The following CHD1L variants were observed in gnomAD, a reference collection of about 807,000 sequenced individuals.
CHD1L encodes chromodomain helicase DNA binding protein 1 like, also known as ATP-dependent chromatin remodeler CHD1L.
In CHD1L, 118 loss-of-function variants were observed where a neutral mutation model predicts 115.9. The ratio of observed to expected loss-of-function variants is 1.02; its 90% confidence interval spans 0.88 to 1.19. CHD1L has a LOEUF of 1.19. Ranked by LOEUF, CHD1L falls within the 50% of genes most tolerant of loss-of-function variation. The probability of loss-of-function intolerance (pLI) is 0.00; values close to 1 mark genes in which losing one functional copy is unlikely to be tolerated. For synonymous variants in CHD1L, 411 were observed against 387.1 expected (o/e 1.06, Z -0.72); for missense variants, 1,179 against 1,065.3 (o/e 1.11, Z -1.49).
At chr1:147,206,951 A>T in the CHD1L span, among the ~76,000 whole-genome samples, 67 of 151,986 alleles carry the variant, frequency 4.4e-4, no homozygotes, top group East Asian at 1.5e-3. Context: ...TATATATATA[A>T]AAAGAGAGAT....
At chr1:147,239,385 C>T (rs998385953), upstream of CHD1L, among the ~76,000 whole-genome samples, 1 of 152,196 alleles carries the variant, frequency 6.6e-6, no homozygotes, top group Admixed American at 6.5e-5. Flanking sequence ...ACAAATCCAA[C>T]ACATCCCACC....
chr1:147,222,935 G>A, the CHD1L span, among the ~76,000 whole-genome samples: 1 of 152,216 alleles, frequency 6.6e-6, no homozygotes, highest in East Asian at 1.9e-4. Context: ...GACACCACAT[G>A]TGTGAGTCCC....
the CHD1L span, among the ~76,000 whole-genome samples, chr1:147,217,710 C>G: frequency 2.0e-5 from 3 of 152,332 alleles, no homozygotes; most frequent in African/African-American, 4.8e-5. Context: ...ATCTAGCCTA[C>G]CTGTTTCAAC....
chr1:147,276,739 TACTGGATGGGAGACAGAC>T (rs1360869647), intron 14 of CHD1L, among the ~76,000 whole-genome samples: 6 of 151,846 alleles, frequency 4.0e-5, no homozygotes, highest in African/African-American at 1.2e-4. Flanking sequence ...AAGAAGGGAG[TACTGGATGGGAGACAGAC>T]ACTGGATTGG....
chr1:147,289,031 T>C (rs182502420), intron 19 of CHD1L, among the ~76,000 whole-genome samples: 1 of 152,296 alleles, frequency 6.6e-6, no homozygotes, highest in Admixed American at 6.5e-5. Context: ...TCTGCCCAGT[T>C]CTCTATGGTG....
In CHD1L at chr1:147,255,517, G is replaced by A. The variant is rs587644532; in HGVS notation, c.348-296G>A. 5.3e-5 allele frequency among the ~76,000 whole-genome samples: 8 copies of A among 152,242 alleles called. No homozygotes were observed. In the South Asian group the frequency reaches 6.2e-4, roughly 12 times the overall value. On this transcript the variant is annotated intron_variant, in intron 3 of 22. Transcript: ENST00000369258. ...GCTGGGATTACAGGTGTGAGCCACC[G>A]CGCCCGGCCTATTTTTCATAGTGAC...
chr1:147,267,990 G>A (rs951971295), intron 9 of CHD1L, among the ~76,000 whole-genome samples: 3 of 152,118 alleles, frequency 2.0e-5, no homozygotes, highest in African/African-American at 4.8e-5. Flanking sequence ...TCTCCCTGTT[G>A]CCCAACCAAT....
intron 1 of CHD1L, among the ~76,000 whole-genome samples, chr1:147,245,452 T>C (rs1285344283): frequency 6.6e-6 from 1 of 152,166 alleles, no homozygotes; most frequent in East Asian, 1.9e-4. Flanking sequence ...TTCCAGGTCG[T>C]GGAGGTAGAT....
At chr1:147,193,019 C>T in the CHD1L span, among the ~76,000 whole-genome samples, 90 of 152,228 alleles carry the variant, frequency 5.9e-4, 1 homozygote, top group African/African-American at 2.1e-3. Context: ...TGATGCTGGC[C>T]TCATAAAATG....
At chr1:147,279,680 G>C (rs587681787) in intron 14 of CHD1L, among the ~76,000 whole-genome samples, 56 of 152,318 alleles carry the variant, frequency 3.7e-4, no homozygotes, top group African/African-American at 9.9e-4. Context: ...TCAAGTGGCT[G>C]CTGGGAATGC....
chr1:147,212,498 T>A, the CHD1L span: 2 of 1,613,946 alleles, frequency 1.2e-6, no homozygotes, highest in Non-Finnish European at 1.7e-6. Flanking sequence ...TCTTATAGTC[T>A]CGACTGTGGA....
chr1:147,254,501 T>G (rs1478774804), intron 2 of CHD1L, among the ~76,000 whole-genome samples: 1 of 152,222 alleles, frequency 6.6e-6, no homozygotes, highest in African/African-American at 2.4e-5. Context: ...CAGTCATATC[T>G]TGGCACTTCT....
the CHD1L span, chr1:147,201,044 G>T: frequency 1.3e-6 from 1 of 771,864 alleles, no homozygotes; most frequent in Non-Finnish European, 2.2e-6. Context: ...TTTGTGCTAG[G>T]CACTGTTGTA....
At chr1:147,227,665 ACAGC>A in the CHD1L span, among the ~76,000 whole-genome samples, 1 of 152,370 alleles carries the variant, frequency 6.6e-6, no homozygotes, top group Non-Finnish European at 1.5e-5. Context: ...CTATTACTAG[ACAGC>A]AATATTATGA....
At chr1:147,218,110 A>T in the CHD1L span, among the ~76,000 whole-genome samples, 4 of 152,230 alleles carry the variant, frequency 2.6e-5, no homozygotes, top group African/African-American at 9.7e-5. Flanking sequence ...CCCAAGAAAA[A>T]TTTCAAAATA....
intron 8 of CHD1L, among the ~76,000 whole-genome samples, chr1:147,266,316 TTAGTGCCTGTAATTAAGCAAA>T (rs1396768822): frequency 6.6e-6 from 1 of 152,170 alleles, no homozygotes; most frequent in Non-Finnish European, 1.5e-5. Context: ...TCAGTTTTTC[TTAGTGCCTGTAATTAAGCAAA>T]CACTTCCAGG....
chr1:147,259,893 C>T lies in CHD1L; in HGVS notation c.551C>T (p.Ser184Phe), dbSNP rs1671344902. The T allele has an allele frequency of 6.2e-7, 1 of 1,613,660 alleles. No homozygotes were observed. The highest frequency in any genetic ancestry group is 1.3e-5 in the African/African-American group (1 of 74,906). Residue 184 changes from serine to phenylalanine, a missense_variant, in exon 6 of 23, where the codon TCC becomes TTC. Coordinates refer to ENST00000369258, the MANE Select transcript of CHD1L (RefSeq NM_004284.6). ...GCTCACAGGTTGAAAAACCAAAGCT[C>T]CCTGCTGCATAAGACCTTGTCAGAG... ...DEAHRLKNQS[S>F]LLHKTLSEFS...
chr1:147,255,793 A>T lies in CHD1L; in HGVS notation c.348-20A>T, dbSNP rs1267417451. ...ATGGATCTAGTATTTATGTTTATCT[A>T]CTTCTTTTCTTGGATTCAGATTTGC... On this transcript the variant is annotated intron_variant, in intron 3 of 22. Transcript: ENST00000369258. 9.1e-6 allele frequency: 14 copies of T among 1,546,852 alleles called. No homozygotes were observed. The highest frequency in any genetic ancestry group is 1.2e-5 in the Non-Finnish European group (14 of 1,125,410).
At chr1:147,263,115 G>A (rs1017582585) in intron 6 of CHD1L, among the ~76,000 whole-genome samples, 5 of 151,668 alleles carry the variant, frequency 3.3e-5, no homozygotes, top group African/African-American at 4.9e-5. Context: ...GTATATATAC[G>A]TTTACATACT....
Sources: gnomAD v4.1 joint callset for allele counts (sites outside exome capture counted in the v4.1 genomes callset) on GRCh38, gnomAD v4.1.1 for gene constraint, MANE v1.5 for transcripts, NCBI Gene and HGNC (gene_info 2026-07-23, HGNC 2026-07-21) for gene names.